Variants in BAZ2B observed in about 807,000 individuals in gnomAD.
BAZ2B encodes the protein bromodomain adjacent to zinc finger domain protein 2B.
BAZ2B carries 91 observed loss-of-function variants against 246.0 expected under a neutral mutation model. That is an observed-to-expected ratio of 0.37 (90% CI 0.31 to 0.44). The LOEUF (loss-of-function observed/expected upper bound fraction) is 0.44, where lower values mean the gene tolerates loss of function less well. Ranked by LOEUF, BAZ2B falls within the 20% of genes least tolerant of loss-of-function variation. The pLI is 1.00. For missense variants in BAZ2B, 2,332 were observed against 2,533.7 expected (o/e 0.92, Z 1.71); for synonymous variants, 855 against 860.0 (o/e 0.99, Z 0.10).
chr2:159,696,828 C>A, the BAZ2B span, among the ~76,000 whole-genome samples: 9,741 of 152,216 alleles, frequency 0.064, 394 homozygotes, highest in Non-Finnish European at 0.092. Context: ...CTCTGTCACC[C>A]AGGCTGGAGT....
At chr2:159,395,636 CT>C in intron 20 of BAZ2B, 132 bp downstream of exon 20, 1 of 691,056 alleles carries the variant, frequency 1.4e-6, no homozygotes, top group South Asian at 2.5e-5. Context: ...TATCTCTAAA[CT>C]TTTGGTTTGC....
the BAZ2B span, among the ~76,000 whole-genome samples, chr2:159,660,470 T>C: frequency 2.6e-5 from 4 of 152,210 alleles, no homozygotes; most frequent in Non-Finnish European, 5.9e-5. Flanking sequence ...CTTGAGCATA[T>C]ACCTAGTTGT....
At chr2:159,458,107 G>A (rs1577264583) in intron 3 of BAZ2B, among the ~76,000 whole-genome samples, 2 of 149,020 alleles carry the variant, frequency 1.3e-5, no homozygotes, top group African/African-American at 2.5e-5. Flanking sequence ...TCCCGGGTTC[G>A]AATGATTCTC....
chr2:159,452,587 T>C (rs951490251), intron 4 of BAZ2B, among the ~76,000 whole-genome samples: 4 of 152,226 alleles, frequency 2.6e-5, no homozygotes, highest in African/African-American at 9.6e-5. Flanking sequence ...CACTAAAACA[T>C]GCAGACCTCA....
chr2:159,350,432 T>C, intron 27 of BAZ2B, 75 bp from the exon 28 acceptor site: 2 of 1,301,482 alleles, frequency 1.5e-6, no homozygotes, highest in Non-Finnish European at 1.0e-6. Flanking sequence ...TTCATTACTC[T>C]TTATCAAATT....
At chr2:159,657,907 C>A in the BAZ2B span, among the ~76,000 whole-genome samples, 1 of 152,288 alleles carries the variant, frequency 6.6e-6, no homozygotes, top group East Asian at 1.9e-4. Flanking sequence ...CTTTCCCAAT[C>A]TGCAGGCATT....
intron 33 of BAZ2B, among the ~76,000 whole-genome samples, chr2:159,333,846 G>A (rs1186756237): frequency 6.6e-6 from 1 of 152,042 alleles, no homozygotes; most frequent in African/African-American, 2.4e-5. Flanking sequence ...GTTAACAAAT[G>A]TTTATCAAAT....
chr2:159,628,177 A>G, the BAZ2B span, among the ~76,000 whole-genome samples: 1 of 152,226 alleles, frequency 6.6e-6, no homozygotes, highest in Non-Finnish European at 1.5e-5. Flanking sequence ...AGAGGACACA[A>G]ACAAATGGAA....
intron 2 of BAZ2B, among the ~76,000 whole-genome samples, chr2:159,499,393 T>C (rs2081477239): frequency 6.6e-6 from 1 of 152,222 alleles, no homozygotes. Context: ...CCATGGTGTA[T>C]GTACCACATT....
rs369976208 is a variant in BAZ2B at position 159,448,029 on chromosome 2, C to T, written c.502+213G>A. 5.9e-5 allele frequency among the ~76,000 whole-genome samples: 9 copies of T among 152,042 alleles called. No individual in the cohort carries two copies. In the East Asian group the frequency reaches 1.5e-3, roughly 26 times the overall value. On this transcript the variant is annotated intron_variant, in intron 5 of 36. Transcript: ENST00000392783. ...GACTGTAGTCCTTGGGAGGCTGAGG[C>T]AGGAGGATTGCTTGAGCCCAGGAGG... is the stretch of plus-strand genomic sequence containing the variant.
intron 2 of BAZ2B, among the ~76,000 whole-genome samples, chr2:159,533,634 AAAG>A (rs781127226): frequency 7.0e-4 from 106 of 152,306 alleles, no homozygotes; most frequent in Admixed American, 2.0e-3. Flanking sequence ...TATAAACAAA[AAAG>A]AAGAAGAAAG....
the BAZ2B span, among the ~76,000 whole-genome samples, chr2:159,624,719 GGGGAGAAACCAGCCCAAAAAGGCT>G: frequency 6.6e-6 from 1 of 152,172 alleles, no homozygotes; most frequent in South Asian, 2.1e-4. Flanking sequence ...CCATGAAGAT[GGGGAGAAACCAGCCCAAAAAGGCT>G]GAAAATTCCA....
the BAZ2B span, among the ~76,000 whole-genome samples, chr2:159,674,738 G>C: frequency 2.6e-5 from 4 of 151,254 alleles, no homozygotes; most frequent in Non-Finnish European, 5.9e-5. Flanking sequence ...AAAAAGAATG[G>C]GGAAAACCTA....
At chr2:159,669,513 G>A in the BAZ2B span, among the ~76,000 whole-genome samples, 1 of 151,936 alleles carries the variant, frequency 6.6e-6, no homozygotes, top group Non-Finnish European at 1.5e-5. Flanking sequence ...ATCAATTACT[G>A]AGAAGGGGGT....
chr2:159,649,247 A>C, the BAZ2B span, among the ~76,000 whole-genome samples: 1 of 152,014 alleles, frequency 6.6e-6, no homozygotes, highest in East Asian at 1.9e-4. Flanking sequence ...ATAATGTAGA[A>C]TGAGGGGAGC....
At position 159,320,455 on chromosome 2, in the gene BAZ2B, G is replaced by C. The variant is rs2062577143; in HGVS notation, c.6354-37C>G. On this transcript the variant is annotated intron_variant, in intron 36 of 36. Transcript: ENST00000392783. ...CAAATAATTAGAGATTGCGTTCATA[G>C]AGTGGATTTGTTTTGTAAACAAATG... The C allele has an allele frequency of 2.7e-6, 4 of 1,500,536 alleles. No individual in the cohort carries two copies. In the African/African-American group the frequency reaches 5.8e-5, roughly 22 times the overall value. 93.0% of individuals were successfully genotyped at this position (1,500,536 alleles called of 1,614,324 possible). A position where few individuals can be genotyped will look rare whatever the true frequency, so the allele number is the denominator to read the frequency against.
chr2:159,549,006 G>A (rs891227268), intron 2 of BAZ2B, among the ~76,000 whole-genome samples: 11 of 152,114 alleles, frequency 7.2e-5, no homozygotes, highest in Admixed American at 3.3e-4. Context: ...AAGGCCGGGC[G>A]CGGTGGCTCA....
chr2:159,688,789 T>C, the BAZ2B span, among the ~76,000 whole-genome samples: 4 of 152,218 alleles, frequency 2.6e-5, no homozygotes, highest in African/African-American at 2.4e-5. Context: ...TTGTGAAATG[T>C]CCCTCAATTT....
chr2:159,571,200 A>G (rs1683929791), intron 1 of BAZ2B, among the ~76,000 whole-genome samples: 2 of 152,142 alleles, frequency 1.3e-5, no homozygotes, highest in Admixed American at 1.3e-4. Context: ...AATTTCATAA[A>G]AGCCAGGATT....
Sources: allele counts gnomAD v4.1 joint callset (sites outside exome capture counted in the v4.1 genomes callset), GRCh38; gene constraint gnomAD v4.1.1; transcripts MANE v1.5; gene names NCBI Gene and HGNC (gene_info 2026-07-23, HGNC 2026-07-21).